Variants in SGCE observed in about 807,000 individuals in gnomAD.
SGCE encodes sarcoglycan epsilon.
SGCE carries 26 observed loss-of-function variants against 57.8 expected under a neutral mutation model. That is an observed-to-expected ratio of 0.45 (90% CI 0.33 to 0.62). The LOEUF is 0.62. Ranked by LOEUF, SGCE falls within the 20% of genes least tolerant of loss-of-function variation. The probability of loss-of-function intolerance (pLI) is 0.02; values close to 1 mark genes in which losing one functional copy is unlikely to be tolerated. For synonymous variants in SGCE, 183 were observed against 189.5 expected (o/e 0.97, Z 0.28); for missense variants, 468 against 548.6 (o/e 0.85, Z 1.47).
intron 1 of SGCE, among the ~76,000 whole-genome samples, chr7:94,643,028 T>C (rs1053795461): frequency 6.6e-6 from 1 of 152,210 alleles, no homozygotes; most frequent in Non-Finnish European, 1.5e-5. Context: ...GTAGTTACCA[T>C]AAAGAAAGAA....
In SGCE at chr7:94,618,651, T is replaced by C. The variant is rs1802300019; in HGVS notation, c.662+107A>G. ...TCATATCTTTACAATATCTATTTCTTATTAAAACGAAAAATGCAATAGGCC... is the reference window on the plus strand; with the variant it reads ...TCATATCTTTACAATATCTATTTCTCATTAAAACGAAAAATGCAATAGGCC... On this transcript the variant is annotated intron_variant, in intron 5 of 10. Transcript: ENST00000648936. The C allele has an allele frequency of 4.5e-6, 4 of 886,640 alleles. No homozygotes were observed. In the South Asian group the frequency reaches 6.2e-5, roughly 14 times the overall value. 54.9% of individuals were successfully genotyped at this position (886,640 alleles called of 1,614,324 possible).
At chr7:94,635,678 A>G (rs554858519) in intron 1 of SGCE, among the ~76,000 whole-genome samples, 1 of 152,344 alleles carries the variant, frequency 6.6e-6, no homozygotes, top group Non-Finnish European at 1.5e-5. Flanking sequence ...TACTACAGTC[A>G]AATTGAAATT....
chr7:94,591,730 G>A (rs144325802), intron 9 of SGCE, among the ~76,000 whole-genome samples: 50 of 152,094 alleles, frequency 3.3e-4, no homozygotes, highest in African/African-American at 1.1e-3. Flanking sequence ...TCTAGCCTCC[G>A]TTTTTTCCTC....
chr7:94,602,995 A>G (rs1270504980), intron 6 of SGCE, among the ~76,000 whole-genome samples: 1 of 152,206 alleles, frequency 6.6e-6, no homozygotes, highest in Non-Finnish European at 1.5e-5. Context: ...TACTAACTCC[A>G]CTATCTGTGC....
chr7:94,592,410 A>G (rs1273442181), intron 9 of SGCE, among the ~76,000 whole-genome samples: 1 of 152,182 alleles, frequency 6.6e-6, no homozygotes, highest in Non-Finnish European at 1.5e-5. Flanking sequence ...AGGCCCTATA[A>G]TCCTTCCAAG....
intron 9 of SGCE, among the ~76,000 whole-genome samples, chr7:94,596,526 C>A (rs755687302): frequency 2.3e-4 from 35 of 152,116 alleles, no homozygotes; most frequent in Non-Finnish European, 4.6e-4. Context: ...GTTACCTATT[C>A]TGACCTTTTC....
chr7:94,587,881 G>A, intron 10 of SGCE: 1 of 1,503,234 alleles, frequency 6.7e-7, no homozygotes, highest in Middle Eastern at 1.7e-4. Flanking sequence ...ATTTCTGAAT[G>A]TGCCTGAAGT....
At position 94,623,415 on chromosome 7, in the gene SGCE, C is replaced by T. The variant is rs199922447; in HGVS notation, c.391-18G>A. ...GCAGTTATCTATTATAAAAGGAAAACCATATTAAAGAAGTGAAATGTTCTT... is the reference window on the plus strand; with the variant it reads ...GCAGTTATCTATTATAAAAGGAAAATCATATTAAAGAAGTGAAATGTTCTT... On this transcript the variant is annotated intron_variant, in intron 3 of 10. Transcript: ENST00000648936. 3 of 1,512,712 alleles carry T rather than the reference C, an allele frequency of 2.0e-6. No individual in the cohort carries two copies. The highest frequency in any genetic ancestry group is 2.7e-6 in the Non-Finnish European group (3 of 1,091,592). 93.7% of individuals were successfully genotyped at this position (1,512,712 alleles called of 1,614,324 possible). A position where few individuals can be genotyped will look rare whatever the true frequency, so the allele number is the denominator to read the frequency against.
intron 3 of SGCE, chr7:94,625,629 C>T (rs1258628252): frequency 6.6e-6 from 1 of 151,994 alleles, no homozygotes; most frequent in African/African-American, 2.4e-5. Flanking sequence ...TTGAGCTCTA[C>T]CAAAATGGCA....
intron 10 of SGCE, 149 bp from the exon 11 acceptor site, chr7:94,585,664 G>GT (rs1334801842): frequency 4.7e-6 from 3 of 637,568 alleles, no homozygotes; most frequent in South Asian, 2.2e-5. Flanking sequence ...TCTGTATTTG[G>GT]TTTTTTTAAA....
intron 1 of SGCE, among the ~76,000 whole-genome samples, chr7:94,634,406 T>TCA (rs1805244520): frequency 6.6e-6 from 1 of 152,186 alleles, no homozygotes; most frequent in African/African-American, 2.4e-5. Flanking sequence ...CATTTACCGA[T>TCA]CACACTGTGG....
chr7:94,586,908 G>A (rs1267191994), intron 10 of SGCE: 1 of 983,754 alleles, frequency 1.0e-6, no homozygotes, highest in South Asian at 4.7e-5. Context: ...AGATATTTTG[G>A]GGACTCACTA....
Position 94,624,157 on chromosome 7 carries a change from T to C in SGCE, c.391-760A>G, listed in dbSNP as rs1803309637. ...TTAAATCATTCGGACACATCTGCAGTACCTCAAAAAAAAAAAAAAAAACAA... is the reference window on the plus strand; with the variant it reads ...TTAAATCATTCGGACACATCTGCAGCACCTCAAAAAAAAAAAAAAAAACAA... On this transcript the variant is annotated intron_variant, in intron 3 of 10. Coordinates refer to ENST00000648936, the MANE Select transcript of SGCE (RefSeq NM_003919.3). 1.2e-5 allele frequency: 4 copies of C among 332,112 alleles called. No homozygotes were observed. The South Asian group carries it at 5.3e-4, about 44-fold the overall frequency. 20.6% of individuals were successfully genotyped at this position (332,112 alleles called of 1,614,324 possible). A position where few individuals can be genotyped will look rare whatever the true frequency, so the allele number is the denominator to read the frequency against.
At chr7:94,600,280 T>A (rs1799004866) in intron 7 of SGCE, 2 of 231,908 alleles carry the variant, frequency 8.6e-6, no homozygotes, top group Admixed American at 1.0e-4. Context: ...TCACTTCTGA[T>A]CAAACTAACA....
chr7:94,655,942 G>T, intron 1 of SGCE, 48 bp downstream of exon 1: 1 of 1,224,724 alleles, frequency 8.2e-7, no homozygotes. Flanking sequence ...AGGGGGAGGC[G>T]GCGGCCTGTT....
intron 4 of SGCE, chr7:94,619,744 A>G (rs1445699284): frequency 6.6e-6 from 1 of 152,194 alleles, no homozygotes; most frequent in Non-Finnish European, 1.5e-5. Context: ...GGTGAATTAG[A>G]ACATTTAATT....
intron 6 of SGCE, among the ~76,000 whole-genome samples, chr7:94,601,476 A>AAAC (rs1288229007): frequency 4.5e-4 from 61 of 135,028 alleles, no homozygotes; most frequent in Non-Finnish European, 8.1e-4. Flanking sequence ...AAAAAAAAAA[A>AAAC]CTACAACAGT....
intron 8 of SGCE, chr7:94,599,280 A>G (rs1426221950): frequency 1.0e-5 from 3 of 294,886 alleles, no homozygotes; most frequent in African/African-American, 6.6e-5. Context: ...TAAAACTACC[A>G]TAGCTTTTAT....
At chr7:94,655,666 C>T (rs1808520362) in intron 1 of SGCE, among the ~76,000 whole-genome samples, 2 of 150,240 alleles carry the variant, frequency 1.3e-5, no homozygotes, top group Admixed American at 6.6e-5. Context: ...CTACAGGGAT[C>T]GGGAGAGGAC....
Sources: gnomAD v4.1 joint callset for allele counts (sites outside exome capture counted in the v4.1 genomes callset) on GRCh38, gnomAD v4.1.1 for gene constraint, MANE v1.5 for transcripts, NCBI Gene and HGNC (gene_info 2026-07-23, HGNC 2026-07-21) for gene names.